The following POP1 variants were observed in gnomAD, a reference collection of about 807,000 sequenced individuals.
POP1 encodes ribonucleases P/MRP protein subunit POP1.
Under a neutral mutation model 102.2 loss-of-function variants are expected in POP1, and 75 were observed. That is an observed-to-expected ratio of 0.73 (90% CI 0.61 to 0.89). The LOEUF (loss-of-function observed/expected upper bound fraction) is 0.89. Ranked by LOEUF, POP1 falls within the 40% of genes least tolerant of loss-of-function variation. The pLI, the probability that POP1 is intolerant of heterozygous loss-of-function variation, is 0.00. For missense variants in POP1, 1,116 were observed against 1,267.4 expected, an observed-to-expected ratio of 0.88 and a Z score of 1.81; for synonymous variants, 436 against 464.1, an observed-to-expected ratio of 0.94 and a Z score of 0.78.
chr8:98,133,794 GGAGAA>G lies in POP1; in HGVS notation c.736-153_736-149del, dbSNP rs1388644389. On this transcript the variant is annotated intron_variant, in intron 5 of 15. Coordinates refer to ENST00000401707, the MANE Select transcript of POP1 (RefSeq NM_001145860.2). ...ATTTTTTCCACTAAACCATCGGGCAGGAGAAGGTTTAGATTTTGACTTATGAGAAC... is the reference window on the plus strand; with the variant it reads ...ATTTTTTCCACTAAACCATCGGGCAGGGTTTAGATTTTGACTTATGAGAAC... Among the ~76,000 whole-genome samples, 244 of 152,328 alleles carry G rather than the reference GGAGAA, an allele frequency of 1.6e-3. 3 individuals are homozygous for G. In the South Asian group the frequency reaches 0.023, roughly 15 times the overall value.
chr8:98,140,673 AC>A, intron 10 of POP1, 95 bp from the exon 11 acceptor site: 1 of 1,316,374 alleles, frequency 7.6e-7, no homozygotes, highest in Non-Finnish European at 1.1e-6. Context: ...TCCAAGAAAA[AC>A]GTTTCATTAG....
intron 14 of POP1, among the ~76,000 whole-genome samples, chr8:98,151,740 C>CTTTTT (rs755019200): frequency 8.9e-5 from 10 of 112,916 alleles, no homozygotes; most frequent in African/African-American, 2.5e-4. Flanking sequence ...GCCTGGCTTG[C>CTTTTT]TTTTTTTTTT....
In POP1 at chr8:98,158,341, A is replaced by C; in HGVS notation, c.*70A>C. The C allele has an allele frequency of 6.5e-7, 1 of 1,534,292 alleles. No individual in the cohort carries two copies. Among genetic ancestry groups the C allele is most frequent in the Non-Finnish European group, 8.9e-7 (1 of 1,123,336 alleles). ...TGTCTGCCAAGTTCTACATGTGGAG[A>C]ATCTGCTTCTGCTTTAAAATATCAT... On this transcript the variant is annotated 3_prime_UTR_variant, in exon 16 of 16. Transcript: ENST00000401707.
chr8:98,121,446 T>C (rs976267122), intron 1 of POP1, among the ~76,000 whole-genome samples: 2 of 151,886 alleles, frequency 1.3e-5, no homozygotes, highest in Admixed American at 1.3e-4. Flanking sequence ...TTAGACAGCC[T>C]GCTATGTGCA....
At chr8:98,126,199 T>C (rs1222865610) in intron 2 of POP1, among the ~76,000 whole-genome samples, 1 of 151,942 alleles carries the variant, frequency 6.6e-6, no homozygotes, top group Non-Finnish European at 1.5e-5. Flanking sequence ...TCAATTTGAG[T>C]GTGGCAGAGA....
chr8:98,139,989 G>C, intron 9 of POP1, 89 bp from the exon 10 acceptor site: 1 of 995,168 alleles, frequency 1.0e-6, no homozygotes, highest in Non-Finnish European at 1.6e-6. Context: ...CATAGAAGAA[G>C]AAAGAGTGGG....
chr8:98,157,509 T>C, intron 15 of POP1, 108 bp from the exon 16 acceptor site: 2 of 1,303,626 alleles, frequency 1.5e-6, no homozygotes, highest in Non-Finnish European at 2.2e-6. Flanking sequence ...TTTTGATTCT[T>C]ATATAGTATA....
At chr8:98,128,869 AGCTGTGATCAT>A (rs1357534615) in intron 4 of POP1, among the ~76,000 whole-genome samples, 1 of 152,074 alleles carries the variant, frequency 6.6e-6, no homozygotes, top group East Asian at 1.9e-4. Context: ...GGCTGCAATG[AGCTGTGATCAT>A]GCTACTGTAC....
At chr8:98,140,740 C>T in intron 10 of POP1, 29 bp from the exon 11 acceptor site, 1 of 1,611,314 alleles carries the variant, frequency 6.2e-7, no homozygotes, top group Non-Finnish European at 8.5e-7. Context: ...GAATGACTTT[C>T]TGTAAACTTC....
chr8:98,126,801 G>A (rs1816219026), intron 2 of POP1, among the ~76,000 whole-genome samples: 1 of 152,094 alleles, frequency 6.6e-6, no homozygotes, highest in Admixed American at 6.6e-5. Flanking sequence ...GTATGATAAG[G>A]CGAAAGAAGT....
chr8:98,154,193 A>G (rs1424770020), intron 14 of POP1, among the ~76,000 whole-genome samples: 1 of 152,234 alleles, frequency 6.6e-6, no homozygotes, highest in Admixed American at 6.5e-5. Context: ...ATTTGTGTTT[A>G]TAAAGGAAGA....
intron 15 of POP1, among the ~76,000 whole-genome samples, chr8:98,157,140 G>A (rs916637756): frequency 6.6e-6 from 1 of 152,094 alleles, no homozygotes; most frequent in Non-Finnish European, 1.5e-5. Flanking sequence ...GCCTCCCAAA[G>A]TGCTAGGATT....
intron 9 of POP1, among the ~76,000 whole-genome samples, chr8:98,137,343 C>T (rs541470240): frequency 4.7e-4 from 71 of 151,970 alleles, no homozygotes; most frequent in African/African-American, 1.6e-3. Flanking sequence ...CATCCTGTTG[C>T]CCAGGCTGGA....
chr8:98,157,083 G>A (rs184378666), intron 15 of POP1, among the ~76,000 whole-genome samples: 25 of 151,814 alleles, frequency 1.6e-4, no homozygotes, highest in African/African-American at 6.0e-4. Context: ...CACCATGTTG[G>A]CCAGGCTGGT....
chr8:98,136,370 C>T, intron 7 of POP1, 112 bp from the exon 8 acceptor site: 1 of 1,254,156 alleles, frequency 8.0e-7, no homozygotes, highest in South Asian at 1.5e-5. Flanking sequence ...GCCACCGTGC[C>T]TGGCCAAAAA....
At chr8:98,130,369 T>C in intron 5 of POP1, 143 bp downstream of exon 5, 1 of 1,227,788 alleles carries the variant, frequency 8.1e-7, no homozygotes, top group Non-Finnish European at 1.2e-6. Flanking sequence ...GCCCGGGTCC[T>C]TTGCCAGATG....
chr8:98,152,653 A>G (rs117007967), intron 14 of POP1, among the ~76,000 whole-genome samples: 1,578 of 152,366 alleles, frequency 0.01, 15 homozygotes, highest in Non-Finnish European at 0.015. Context: ...CTCATGGGTC[A>G]TACAAAAACA....
chr8:98,132,658 G>C (rs533033914), intron 5 of POP1, among the ~76,000 whole-genome samples: 1 of 152,180 alleles, frequency 6.6e-6, no homozygotes, highest in African/African-American at 2.4e-5. Context: ...GTGTCACAGT[G>C]TCCTTGTCTG....
Position 98,159,156 on chromosome 8 carries a change from C to G in POP1, c.*885C>G, listed in dbSNP as rs928304515. ...AACTTCCATGTGATAATGTGCATTG[C>G]GGATCTCTAGGAAGGAAATGATAGT... On this transcript the variant is annotated 3_prime_UTR_variant, in exon 16 of 16. Transcript: ENST00000401707. 1.3e-5 allele frequency: 2 copies of G among 152,064 alleles called. No individual in the cohort carries two copies. The highest frequency in any genetic ancestry group is 4.8e-5 in the African/African-American group (2 of 41,394). 9.4% of individuals were successfully genotyped at this position (152,064 alleles called of 1,614,324 possible). A position where few individuals can be genotyped will look rare whatever the true frequency, so the allele number is the denominator to read the frequency against.
Sources: allele counts gnomAD v4.1 joint callset (sites outside exome capture counted in the v4.1 genomes callset), GRCh38; gene constraint gnomAD v4.1.1; transcripts MANE v1.5; gene names NCBI Gene and HGNC (gene_info 2026-07-23, HGNC 2026-07-21).